The following GRM1 variants were observed in gnomAD, a reference collection of about 807,000 sequenced individuals.
The protein encoded by GRM1 is metabotropic glutamate receptor 1.
A neutral mutation model predicts 90.9 loss-of-function variants in GRM1; 33 were observed. That is an observed-to-expected ratio of 0.36 (90% CI 0.28 to 0.49). The LOEUF (loss-of-function observed/expected upper bound fraction) is 0.49, where lower values mean the gene tolerates loss of function less well. Ranked by LOEUF, GRM1 falls within the 20% of genes least tolerant of loss-of-function variation. The probability of loss-of-function intolerance (pLI) is 0.99; values close to 1 mark genes in which losing one functional copy is unlikely to be tolerated. For missense variants in GRM1, 1,190 were observed against 1,534.3 expected (o/e 0.78, Z 3.75); for synonymous variants, 700 against 613.2 (o/e 1.14, Z -2.09).
chr6:146,419,306 T>C (rs1777904975), intron 7 of GRM1, among the ~76,000 whole-genome samples: 1 of 152,166 alleles, frequency 6.6e-6, no homozygotes, highest in South Asian at 2.1e-4. Context: ...TGAAAGAGAC[T>C]GTGGCGGAAT....
chr6:146,339,210 T>C (rs1784885186), intron 3 of GRM1, among the ~76,000 whole-genome samples: 1 of 152,214 alleles, frequency 6.6e-6, no homozygotes, highest in Non-Finnish European at 1.5e-5. Context: ...ATTCCTATTA[T>C]ATCAGGTGCT....
intron 1 of GRM1, among the ~76,000 whole-genome samples, chr6:146,138,691 C>T (rs1015024740): frequency 2.0e-5 from 3 of 151,756 alleles, no homozygotes; most frequent in Non-Finnish European, 4.4e-5. Flanking sequence ...TTCTAATGAT[C>T]CTTTCTAATC....
intron 1 of GRM1, among the ~76,000 whole-genome samples, chr6:146,048,685 C>G (rs1039534176): frequency 2.8e-4 from 42 of 151,688 alleles, no homozygotes; most frequent in African/African-American, 1.0e-3. Context: ...GATTAGTGAC[C>G]TTATAAAAAG....
chr6:146,387,745 C>CA (rs1272780643), intron 6 of GRM1, among the ~76,000 whole-genome samples: 3 of 152,046 alleles, frequency 2.0e-5, no homozygotes, highest in African/African-American at 7.2e-5. Context: ...TGAGAATAGA[C>CA]AAGGACACTG....
At chr6:146,362,568 A>T (rs936573867) in intron 5 of GRM1, among the ~76,000 whole-genome samples, 2 of 148,888 alleles carry the variant, frequency 1.3e-5, no homozygotes, top group African/African-American at 5.0e-5. Flanking sequence ...AATCACAGCT[A>T]CTCAGGAGGC....
intron 1 of GRM1, among the ~76,000 whole-genome samples, chr6:146,150,933 T>C (rs4895688): frequency 0.68 from 86,503 of 127,010 alleles, 25,372 homozygotes; most frequent in Admixed American, 0.75. Flanking sequence ...CACACGCGTG[T>C]GCGCGCACAC....
At chr6:146,350,201 G>C (rs1194256773) in intron 3 of GRM1, among the ~76,000 whole-genome samples, 1 of 152,174 alleles carries the variant, frequency 6.6e-6, no homozygotes, top group Non-Finnish European at 1.5e-5. Flanking sequence ...TTGTACTGGG[G>C]ACACCAACAT....
chr6:146,143,267 AT>A (rs1680989978), intron 1 of GRM1, among the ~76,000 whole-genome samples: 1 of 152,202 alleles, frequency 6.6e-6, no homozygotes, highest in Non-Finnish European at 1.5e-5. Context: ...GGTAAAATCT[AT>A]TTTGACTTAG....
At chr6:146,229,782 T>G (rs1235307637) in intron 2 of GRM1, among the ~76,000 whole-genome samples, 3 of 152,166 alleles carry the variant, frequency 2.0e-5, no homozygotes, top group Non-Finnish European at 4.4e-5. Context: ...ATAACTATCA[T>G]GTACTGAGTG....
At chr6:146,176,922 A>C (rs774971716) in intron 2 of GRM1, among the ~76,000 whole-genome samples, 2 of 152,104 alleles carry the variant, frequency 1.3e-5, no homozygotes, top group Admixed American at 1.3e-4. Flanking sequence ...CTCTAAAGTG[A>C]TACCAATATT....
At chr6:146,179,506 G>A (rs1006927228) in intron 2 of GRM1, among the ~76,000 whole-genome samples, 1 of 152,122 alleles carries the variant, frequency 6.6e-6, no homozygotes, top group Non-Finnish European at 1.5e-5. Flanking sequence ...TTAGAACTCA[G>A]AACTTTTTTT....
chr6:146,199,914 G>A (rs1411351486), intron 2 of GRM1, among the ~76,000 whole-genome samples: 1 of 152,168 alleles, frequency 6.6e-6, no homozygotes, highest in Non-Finnish European at 1.5e-5. Context: ...CTACTCAGGA[G>A]GCTGAGGCAG....
At chr6:146,230,149 C>T (rs1187742815) in intron 2 of GRM1, among the ~76,000 whole-genome samples, 1 of 152,160 alleles carries the variant, frequency 6.6e-6, no homozygotes, top group Non-Finnish European at 1.5e-5. Flanking sequence ...CAACACTTTG[C>T]ATACATTGTT....
intron 1 of GRM1, among the ~76,000 whole-genome samples, chr6:146,056,776 A>T (rs1054891122): frequency 6.6e-6 from 1 of 152,116 alleles, no homozygotes; most frequent in Non-Finnish European, 1.5e-5. Context: ...AATATTTGAA[A>T]TCTGCCTACT....
rs1776532502 is a variant in GRM1, at chr6:146,387,004, G to T, written c.1717G>T (p.Ala573Ser). The T allele has an allele frequency of 2.5e-6, 4 of 1,613,108 alleles. No homozygotes were observed. The highest frequency in any genetic ancestry group is 3.4e-6 in the Non-Finnish European group (4 of 1,179,226). Reference sequence around the variant, plus strand: ...TTGTGACTTGGGATGGTGGCCCAATGCAGATCTAACAGGTAGGAACTGCCT... The same window carrying T: ...TTGTGACTTGGGATGGTGGCCCAATTCAGATCTAACAGGTAGGAACTGCCT... ...KACDLGWWPNADLTGCEPIPV... is the reference protein window; with the variant it reads ...KACDLGWWPNSDLTGCEPIPV... The change falls in exon 6 of 8, where the codon GCA becomes TCA. Residue 573 changes from alanine to serine, a missense_variant. Coordinates refer to ENST00000282753, the MANE Select transcript of GRM1 (RefSeq NM_001278064.2).
intron 5 of GRM1, among the ~76,000 whole-genome samples, chr6:146,377,485 A>C (rs1316230194): frequency 6.6e-6 from 1 of 152,198 alleles, no homozygotes; most frequent in Non-Finnish European, 1.5e-5. Flanking sequence ...CCTGTGGAAC[A>C]TTGAATTTGA....
chr6:146,315,524 A>G (rs1783935769), intron 3 of GRM1, among the ~76,000 whole-genome samples: 1 of 152,200 alleles, frequency 6.6e-6, no homozygotes, highest in African/African-American at 2.4e-5. Context: ...CCTTTGAATG[A>G]TGTAAATAAA....
intron 1 of GRM1, among the ~76,000 whole-genome samples, chr6:146,146,157 C>T (rs540146129): frequency 5.4e-5 from 4 of 74,756 alleles, no homozygotes; most frequent in African/African-American, 1.7e-4. Flanking sequence ...GGCGCCATCT[C>T]GGTTCACTGC....
At chr6:146,370,613 C>T (rs1035193082) in intron 5 of GRM1, among the ~76,000 whole-genome samples, 20 of 152,000 alleles carry the variant, frequency 1.3e-4, no homozygotes, top group African/African-American at 4.8e-4. Flanking sequence ...ATGTGGGCCA[C>T]AGCGGGTCAC....
Sources: allele counts gnomAD v4.1 joint callset (sites outside exome capture counted in the v4.1 genomes callset), GRCh38; gene constraint gnomAD v4.1.1; transcripts MANE v1.5; gene names NCBI Gene and HGNC (gene_info 2026-07-23, HGNC 2026-07-21).